Variants in WWP2 observed in about 807,000 individuals in gnomAD.
WWP2 encodes the protein WW domain containing E3 ubiquitin protein ligase 2, also known as NEDD4-like E3 ubiquitin-protein ligase WWP2.
A neutral mutation model predicts 121.0 loss-of-function variants in WWP2; 57 were observed. The ratio of observed to expected loss-of-function variants is 0.47; its 90% confidence interval spans 0.38 to 0.59. The LOEUF (loss-of-function observed/expected upper bound fraction) is 0.59, where lower values mean the gene tolerates loss of function less well. Among genes scored for constraint, WWP2 ranks in the 20% least tolerant of loss-of-function variants. The probability of loss-of-function intolerance (pLI) is 0.00; values close to 1 mark genes in which losing one functional copy is unlikely to be tolerated. For missense variants in WWP2, 962 were observed against 1,158.9 expected, an observed-to-expected ratio of 0.83 and a Z score of 2.47; for synonymous variants, 449 against 441.3, an observed-to-expected ratio of 1.02 and a Z score of -0.22.
chr16:69,792,464 T>C (rs557283911), intron 2 of WWP2, among the ~76,000 whole-genome samples: 7 of 152,356 alleles, frequency 4.6e-5, no homozygotes, highest in African/African-American at 1.7e-4. Flanking sequence ...TATAAAGATA[T>C]ATTTCATGAA....
intron 6 of WWP2, among the ~76,000 whole-genome samples, chr16:69,867,736 C>G (rs1184504404): frequency 6.6e-6 from 1 of 152,208 alleles, no homozygotes; most frequent in Non-Finnish European, 1.5e-5. Context: ...AGCTGAATTT[C>G]TGTAATGAGT....
intron 1 of WWP2, among the ~76,000 whole-genome samples, chr16:69,778,460 G>A (rs924719451): frequency 1.3e-5 from 2 of 151,978 alleles, no homozygotes; most frequent in African/African-American, 2.4e-5. Flanking sequence ...GTACGTGTAC[G>A]GAGTCATCTG....
intron 4 of WWP2, among the ~76,000 whole-genome samples, chr16:69,829,881 C>T (rs763429151): frequency 2.0e-5 from 3 of 152,070 alleles, no homozygotes; most frequent in Non-Finnish European, 4.4e-5. Context: ...ACTTGAACCT[C>T]CTGGGTTCAA....
At chr16:69,863,583 G>A (rs2057465317) in intron 6 of WWP2, among the ~76,000 whole-genome samples, 4 of 152,218 alleles carry the variant, frequency 2.6e-5, no homozygotes, top group Admixed American at 2.6e-4. Context: ...AGAGGTTGTA[G>A]TGAGCCGAGA....
chr16:69,936,362 T>C lies in WWP2; in HGVS notation c.2027T>C (p.Met676Thr), dbSNP rs1478046533. The change falls in exon 19 of 24, where the codon ATG becomes ACG. Residue 676 changes from methionine (M) to threonine (T), a missense_variant. Physicochemically the swap from Met to Thr is moderately conservative, Grantham distance 81. This residue lies in a region of WWP2 where 606 missense variants were observed against 772.6 expected (regional missense o/e 0.78). Coordinates refer to ENST00000359154, the MANE Select transcript of WWP2 (RefSeq NM_001270454.2). Reference protein sequence around the residue: ...CGLELYFIQDMEILGKVTTHE... With the variant: ...CGLELYFIQDTEILGKVTTHE... ...CTGGAGCTGTACTTCATCCAGGACA[T>C]GGAGATACTGGGCAAGGTGACGACC... The C allele has an allele frequency of 1.2e-6, 2 of 1,613,810 alleles. No individual in the cohort carries two copies. Among genetic ancestry groups the C allele is most frequent in the Admixed American group, 3.3e-5 (2 of 60,004 alleles).
intron 4 of WWP2, among the ~76,000 whole-genome samples, chr16:69,803,539 A>T (rs900722735): frequency 6.6e-6 from 1 of 152,062 alleles, no homozygotes. Context: ...AGGTCCATTC[A>T]TTGGTTGTTC....
chr16:69,802,212 C>T (rs1302420344), intron 4 of WWP2, among the ~76,000 whole-genome samples: 1 of 152,168 alleles, frequency 6.6e-6, no homozygotes, highest in African/African-American at 2.4e-5. Context: ...CAGGCATGAG[C>T]CACCGTGCCT....
At chr16:69,920,556 G>A (rs1393842286) in intron 10 of WWP2, among the ~76,000 whole-genome samples, 1 of 151,946 alleles carries the variant, frequency 6.6e-6, no homozygotes, top group Non-Finnish European at 1.5e-5. Context: ...CTTTGACTTA[G>A]AGACAAGGAC....
chr16:69,932,524 T>A (rs2058732705), intron 16 of WWP2, among the ~76,000 whole-genome samples: 1 of 152,192 alleles, frequency 6.6e-6, no homozygotes, highest in East Asian at 1.9e-4. Flanking sequence ...GTGTCATGTT[T>A]CTGTACTTTA....
At chr16:69,881,549 G>A (rs1014570847) in intron 7 of WWP2, among the ~76,000 whole-genome samples, 4 of 152,316 alleles carry the variant, frequency 2.6e-5, no homozygotes, top group South Asian at 4.1e-4. Flanking sequence ...TATTATTTTA[G>A]CATTGGCAAA....
Position 69,827,701 on chromosome 16 carries a change from C to T in WWP2, c.341-12425C>T, listed in dbSNP as rs183399405. Among the ~76,000 whole-genome samples the T allele has an allele frequency of 1.7e-4, 26 of 152,312 alleles. No individual in the cohort carries two copies. In the East Asian group the frequency reaches 3.9e-3, roughly 23 times the overall value. On this transcript the variant is annotated intron_variant, in intron 4 of 23. Transcript: ENST00000359154. ...CTGAGAGAGGCGGTTGTGGCCGCTG[C>T]GGTTCCCTGAGGGCACAGAGCATGG...
intron 18 of WWP2, 120 bp downstream of exon 18, chr16:69,936,106 C>G: frequency 6.7e-7 from 1 of 1,482,356 alleles, no homozygotes; most frequent in Non-Finnish European, 9.1e-7. Flanking sequence ...TTTCCAGCCT[C>G]TATAAGAGCT....
intron 7 of WWP2, among the ~76,000 whole-genome samples, chr16:69,879,799 T>C (rs2151927373): frequency 6.6e-6 from 1 of 152,350 alleles, no homozygotes; most frequent in South Asian, 2.1e-4. Context: ...GCATGACGTG[T>C]GTAGCTGCAA....
intron 1 of WWP2, among the ~76,000 whole-genome samples, chr16:69,785,182 G>A (rs911102902): frequency 6.6e-6 from 1 of 150,448 alleles, no homozygotes; most frequent in African/African-American, 2.4e-5. Flanking sequence ...GCAGTGAGCC[G>A]AGATTGTGCT....
intron 4 of WWP2, among the ~76,000 whole-genome samples, chr16:69,825,745 C>T (rs1242107308): frequency 3.3e-5 from 5 of 151,384 alleles, no homozygotes; most frequent in East Asian, 3.9e-4. Flanking sequence ...CCCACCTCAG[C>T]CTCCCAAGTA....
intron 9 of WWP2, among the ~76,000 whole-genome samples, chr16:69,917,028 T>TCAAAA (rs1282711913): frequency 6.6e-6 from 1 of 152,130 alleles, no homozygotes. Context: ...AGACTCTGTC[T>TCAAAA]CAAAACAAAA....
chr16:69,816,488 A>G (rs892216102), intron 4 of WWP2, among the ~76,000 whole-genome samples: 7 of 148,464 alleles, frequency 4.7e-5, no homozygotes, highest in South Asian at 2.1e-4. Context: ...TATATATGTA[A>G]TATATAAACA....
At chr16:69,929,098 C>T (rs983542910) in intron 11 of WWP2, among the ~76,000 whole-genome samples, 4 of 152,066 alleles carry the variant, frequency 2.6e-5, no homozygotes, top group African/African-American at 7.2e-5. Flanking sequence ...AGGGACTGCC[C>T]GGCTTCCATG....
rs377749970 is a variant in WWP2 at position 69,916,944 on chromosome 16, G to A, written c.1005-765G>A. Among the ~76,000 whole-genome samples the A allele has an allele frequency of 3.3e-5, 5 of 152,154 alleles. No individual in the cohort carries two copies. The South Asian group carries it at 8.3e-4, about 25-fold the overall frequency. ...TTTGGGAGGCCGAGGTGGGAGGATC[G>A]TTTGAGTCCAGGAGTTCGAGACCAG... On this transcript the variant is annotated intron_variant, in intron 9 of 23. Coordinates refer to ENST00000359154, the MANE Select transcript of WWP2 (RefSeq NM_001270454.2).
Sources: allele counts gnomAD v4.1 joint callset (sites outside exome capture counted in the v4.1 genomes callset), GRCh38; gene constraint gnomAD v4.1.1; regional missense constraint gnomAD v4.1.1; transcripts MANE v1.5; gene names NCBI Gene and HGNC (gene_info 2026-07-23, HGNC 2026-07-21).